POMT2: variants seen among roughly 807,000 people sequenced by gnomAD.
POMT2 encodes the protein protein O-mannosyltransferase 2, also known as protein O-mannosyl-transferase 2.
Under a neutral mutation model 100.0 loss-of-function variants are expected in POMT2, and 75 were observed. The observed-to-expected ratio is 0.75, with a 90% CI of 0.62 to 0.91. The LOEUF is 0.91. POMT2 is among the 40% of genes least tolerant of loss of function. The pLI, the probability that POMT2 is intolerant of heterozygous loss-of-function variation, is 0.00. For synonymous variants in POMT2, 378 were observed against 374.1 expected (o/e 1.01, Z -0.12); for missense variants, 940 against 955.1 (o/e 0.98, Z 0.21).
chr14:77,281,095 AAAATAAATAAATAAATAAATAAAT>A (rs145830278), intron 15 of POMT2, among the ~76,000 whole-genome samples: 15 of 144,692 alleles, frequency 1.0e-4, no homozygotes, highest in African/African-American at 2.8e-4. Context: ...ACTCAGTCTC[AAAATAAATAAATAAATAAATAAAT>A]AAATAAATAA....
Position 77,302,882 on chromosome 14 carries a change from G to A in POMT2, c.609C>T (p.Ile203=). The A allele has an allele frequency of 6.2e-7, 1 of 1,614,004 alleles. No individual in the cohort carries two copies. The highest frequency in any genetic ancestry group is 8.5e-7 in the Non-Finnish European group (1 of 1,179,882). The change falls in exon 5 of 21, where the codon ATC becomes ATT. Residue 203 remains isoleucine (I), a synonymous_variant. Transcript: ENST00000261534. Reference sequence around the variant, plus strand: ...TGACCATGCTCAGCATGGCAGCCATGATGAAGAACATCAGGATGGGGTCAA... The same window carrying A: ...TGACCATGCTCAGCATGGCAGCCATAATGAAGAACATCAGGATGGGGTCAA... The part of the protein sequence containing the change: ...ILLDPILMFF[I]MAAMLSMVKY...
chr14:77,309,483 G>A (rs1244041904), intron 2 of POMT2, among the ~76,000 whole-genome samples: 1 of 152,064 alleles, frequency 6.6e-6, no homozygotes. Context: ...ACCTGCAGAA[G>A]CTACTGCACC....
At chr14:77,306,973 A>G (rs969945923) in intron 2 of POMT2, 6 of 170,200 alleles carry the variant, frequency 3.5e-5, no homozygotes, top group African/African-American at 1.2e-4. Flanking sequence ...AAAAACTGCC[A>G]AAGGCCAGAG....
intron 9 of POMT2, among the ~76,000 whole-genome samples, chr14:77,292,383 C>G (rs1388681202): frequency 2.0e-5 from 3 of 152,174 alleles, no homozygotes; most frequent in Non-Finnish European, 4.4e-5. Flanking sequence ...TCTCATTTAA[C>G]CATTATTACA....
intron 10 of POMT2, among the ~76,000 whole-genome samples, chr14:77,289,958 G>A (rs1401688746): frequency 6.6e-6 from 1 of 152,174 alleles, no homozygotes; most frequent in African/African-American, 2.4e-5. Context: ...TGGCTCTCAA[G>A]AGAATCAGAG....
In POMT2 at chr14:77,289,252, G is replaced by A. The variant is rs368968358; in HGVS notation, c.1184-421C>T. 4.7e-4 allele frequency among the ~76,000 whole-genome samples: 71 copies of A among 152,050 alleles called. 2 individuals are homozygous for A. The South Asian group carries it at 0.011, about 24-fold the overall frequency. On this transcript the variant is annotated intron_variant, in intron 10 of 20. Coordinates refer to ENST00000261534, the MANE Select transcript of POMT2 (RefSeq NM_013382.7). ...CTAAAAATACAAATAATAGCCGGGC[G>A]TGGTGGTGCACGCCTGTAGTCCCAG...
In POMT2 at chr14:77,288,835, C is replaced by T; in HGVS notation, c.1184-4G>A. 1.9e-6 allele frequency: 3 copies of T among 1,613,392 alleles called. No homozygotes were observed. The highest frequency in any genetic ancestry group is 2.5e-6 in the Non-Finnish European group (3 of 1,179,662). The stretch of plus-strand genomic sequence containing the variant: ...GGGAAGGAAGGGTCTAGGGGATCTG[C>T]CAAAAAGAAACAAGCATTGATATCC... On this transcript the variant is annotated splice_region_variant and splice_polypyrimidine_tract_variant and intron_variant, in intron 10 of 20. Transcript: ENST00000261534.
At chr14:77,317,343 A>C (rs1260949366) in intron 1 of POMT2, among the ~76,000 whole-genome samples, 1 of 152,176 alleles carries the variant, frequency 6.6e-6, no homozygotes, top group Non-Finnish European at 1.5e-5. Flanking sequence ...TTCCAGTCCA[A>C]TTATCTGACT....
intron 12 of POMT2, 120 bp from the exon 13 acceptor site, chr14:77,285,752 G>T: frequency 1.7e-6 from 2 of 1,193,392 alleles, no homozygotes; most frequent in Non-Finnish European, 2.5e-6. Context: ...ACCAAATTAG[G>T]CTCAATGATA....
chr14:77,300,832 AAGAC>A (rs1339217346), intron 6 of POMT2: 56 of 479,870 alleles, frequency 1.2e-4, no homozygotes, highest in Non-Finnish European at 1.8e-4. Context: ...AAAAAAAAAA[AAGAC>A]AGACATTATA....
At chr14:77,310,229 A>G (rs1891389581) in intron 2 of POMT2, among the ~76,000 whole-genome samples, 2 of 152,224 alleles carry the variant, frequency 1.3e-5, no homozygotes, top group Non-Finnish European at 2.9e-5. Flanking sequence ...CTTGTGAGGC[A>G]CTGTGGTGTC....
chr14:77,317,067 C>T (rs900662178), intron 1 of POMT2, among the ~76,000 whole-genome samples: 2 of 152,062 alleles, frequency 1.3e-5, no homozygotes, highest in Non-Finnish European at 2.9e-5. Flanking sequence ...TTCATGCAAC[C>T]GGTGTGGAAA....
At position 77,296,619 on chromosome 14, in the gene POMT2, C is replaced by T. The variant is rs75809249; in HGVS notation, c.1007-346G>A. On this transcript the variant is annotated intron_variant, in intron 8 of 20. Transcript: ENST00000261534. Reference sequence around the variant, plus strand: ...TAAAGAAGGAAGTATCTTCTGTCTTCGCCTGGAATGTTCTCCAAGATACAG... The same window carrying T: ...TAAAGAAGGAAGTATCTTCTGTCTTTGCCTGGAATGTTCTCCAAGATACAG... The T allele has an allele frequency of 0.06, 18,845 of 315,874 alleles. 687 individuals carry two copies. The highest frequency in any genetic ancestry group is 0.075 in the South Asian group (2,108 of 28,074). 19.6% of individuals were successfully genotyped at this position (315,874 alleles called of 1,614,324 possible).
intron 16 of POMT2, 64 bp from the exon 17 acceptor site, chr14:77,280,144 G>A (rs1292264936): frequency 5.0e-6 from 8 of 1,611,606 alleles, no homozygotes; most frequent in Non-Finnish European, 6.8e-6. Flanking sequence ...CCCATTAGGG[G>A]GAGGAAGATG....
At chr14:77,314,701 G>T (rs1891567048) in intron 1 of POMT2, among the ~76,000 whole-genome samples, 2 of 152,204 alleles carry the variant, frequency 1.3e-5, no homozygotes, top group South Asian at 4.1e-4. Context: ...TGGGCAAAAG[G>T]AGGAAGAGGA....
intron 1 of POMT2, 77 bp downstream of exon 1, chr14:77,320,357 C>A (rs998392291): frequency 5.2e-6 from 8 of 1,539,118 alleles, no homozygotes; most frequent in South Asian, 1.2e-5. Context: ...CCGCCCCCTC[C>A]GTACCCTCGG....
At chr14:77,318,977 C>G (rs760536474) in intron 1 of POMT2, among the ~76,000 whole-genome samples, 1 of 152,182 alleles carries the variant, frequency 6.6e-6, no homozygotes, top group Non-Finnish European at 1.5e-5. Context: ...CTCAGGTGAT[C>G]TGCCCGCCTC....
At chr14:77,306,485 G>A (rs371335353) in intron 2 of POMT2, 44 bp from the exon 3 acceptor site, 5 of 1,604,060 alleles carry the variant, frequency 3.1e-6, no homozygotes, top group Non-Finnish European at 4.3e-6. Context: ...GCCTTTGGGA[G>A]AAGATTCCTC....
chr14:77,297,828 C>T (rs1254893145), intron 8 of POMT2, among the ~76,000 whole-genome samples: 1 of 152,246 alleles, frequency 6.6e-6, no homozygotes, highest in East Asian at 1.9e-4. Context: ...GTTTCTCTTG[C>T]CTACAATCCT....
Sources: gnomAD v4.1 joint callset for allele counts (sites outside exome capture counted in the v4.1 genomes callset) on GRCh38, gnomAD v4.1.1 for gene constraint, MANE v1.5 for transcripts, NCBI Gene and HGNC (gene_info 2026-07-23, HGNC 2026-07-21) for gene names.